The following CUL3 variants were observed in gnomAD, a reference collection of about 807,000 sequenced individuals.
CUL3 encodes the protein cullin-3.
Under a neutral mutation model 89.1 loss-of-function variants are expected in CUL3, and 19 were observed. The observed-to-expected ratio is 0.21, with a 90% confidence interval of 0.15 to 0.31. CUL3 has a LOEUF of 0.31. CUL3 is among the 10% of genes least tolerant of loss of function. CUL3 has a pLI of 1.00. For synonymous variants in CUL3, 351 were observed against 308.4 expected (o/e 1.14, Z -1.45); for missense variants, 469 against 942.3 (o/e 0.50, Z 6.58).
At chr2:224,520,202 C>A (rs1299747396) in intron 3 of CUL3, among the ~76,000 whole-genome samples, 1 of 152,220 alleles carries the variant, frequency 6.6e-6, no homozygotes, top group African/African-American at 2.4e-5. Context: ...AGTTTCATCA[C>A]CACAGAGATA....
In CUL3 at chr2:224,570,145, T is replaced by TA. The variant is rs906888041; in HGVS notation, c.67-12290dup. Among the ~76,000 whole-genome samples, 5 of 150,948 alleles carry TA rather than the reference T, an allele frequency of 3.3e-5. No individual in the cohort carries two copies. The South Asian group carries it at 6.3e-4, about 19-fold the overall frequency. On this transcript the variant is annotated intron_variant, in intron 1 of 15. Transcript: ENST00000264414. ...GCGTGGCACAATGTATAGATAATAT[T>TA]AAAAAAAAATGATCTGAATACAGTC...
In CUL3 at chr2:224,559,938, C is replaced by T. The variant is rs139755860; in HGVS notation, c.67-2082G>A. Among the ~76,000 whole-genome samples, 682 of 152,142 alleles carry T rather than the reference C, an allele frequency of 4.5e-3. 9 individuals carry two copies. The highest frequency in any genetic ancestry group is 0.016 in the African/African-American group (663 of 41,496). ...CTCTACTAAAAATACAAAAATTAGT[C>T]GGGCATGGTGGCATGCACCTGTAGT... is the stretch of plus-strand genomic sequence containing the variant. On this transcript the variant is annotated intron_variant, in intron 1 of 15. Transcript: ENST00000264414.
At chr2:224,477,267 C>T (rs1480369958) in intron 15 of CUL3, among the ~76,000 whole-genome samples, 1 of 152,158 alleles carries the variant, frequency 6.6e-6, no homozygotes, top group African/African-American at 2.4e-5. Context: ...TCTGGTGGAA[C>T]CTAAGGATCT....
At chr2:224,560,683 C>T (rs1694874964) in intron 1 of CUL3, 1 of 152,522 alleles carries the variant, frequency 6.6e-6, no homozygotes, top group Admixed American at 6.5e-5. Flanking sequence ...GGTAAAACCA[C>T]CACCACCTCC....
At chr2:224,481,049 T>C (rs1225036781) in intron 14 of CUL3, among the ~76,000 whole-genome samples, 1 of 152,114 alleles carries the variant, frequency 6.6e-6, no homozygotes, top group Non-Finnish European at 1.5e-5. Flanking sequence ...CTAGAATCCA[T>C]GTACTCTGGT....
intron 7 of CUL3, 113 bp downstream of exon 7, chr2:224,506,745 A>G (rs1020323624): frequency 2.4e-5 from 21 of 863,622 alleles, no homozygotes; most frequent in Non-Finnish European, 3.6e-5. Context: ...TTAATTTACT[A>G]CTGGGACAAT....
chr2:224,580,543 A>C (rs1330127244), intron 1 of CUL3, among the ~76,000 whole-genome samples: 1 of 152,156 alleles, frequency 6.6e-6, no homozygotes, highest in Non-Finnish European at 1.5e-5. Flanking sequence ...AATTAGCCAG[A>C]CGTGGTGGCG....
Position 224,585,042 on chromosome 2 carries a change from G to A in CUL3, c.-33C>T, listed in dbSNP as rs370412901. 14 of 1,468,750 alleles carry A rather than the reference G, an allele frequency of 9.5e-6. 1 individual carries two copies. Among genetic ancestry groups the A allele is most frequent in the Non-Finnish European group, 1.1e-5 (12 of 1,094,178 alleles). The allele number at this position is 1,468,750 out of a possible 1,614,324, so 91.0% of individuals were successfully genotyped here. A position where few individuals can be genotyped will look rare whatever the true frequency, so the allele number is the denominator to read the frequency against. On this transcript the variant is annotated 5_prime_UTR_variant, in exon 1 of 16. Transcript: ENST00000264414. ...GTCCCCTCCCCGGCGGCGGCTTCAG[G>A]TCGCGCTCCGCGACGCCGGTGTCAC...
chr2:224,521,199 C>T (rs1291270646), intron 3 of CUL3, among the ~76,000 whole-genome samples: 1 of 152,130 alleles, frequency 6.6e-6, no homozygotes, highest in East Asian at 1.9e-4. Flanking sequence ...ATCAATGGTG[C>T]ACCCAAGGAA....
chr2:224,472,229 C>A lies in CUL3; in HGVS notation c.*2016G>T, dbSNP rs1209159050. The A allele has an allele frequency of 4.5e-6, 1 of 221,472 alleles. No individual in the cohort carries two copies. Among genetic ancestry groups the A allele is most frequent in the East Asian group, 6.6e-5 (1 of 15,050 alleles). The allele number at this position is 221,472 out of a possible 1,614,324, so 13.7% of individuals were successfully genotyped here. A position where few individuals can be genotyped will look rare whatever the true frequency, so the allele number is the denominator to read the frequency against. Reference sequence around the variant, plus strand: ...CTCTAAACTCTAGATCTGATTTTTACAGCCACACTTGAGACAATGACGTAA... The same window carrying A: ...CTCTAAACTCTAGATCTGATTTTTAAAGCCACACTTGAGACAATGACGTAA... On this transcript the variant is annotated 3_prime_UTR_variant, in exon 16 of 16. Transcript: ENST00000264414.
chr2:224,573,412 A>G (rs1037209522), intron 1 of CUL3, among the ~76,000 whole-genome samples: 9 of 152,232 alleles, frequency 5.9e-5, no homozygotes, highest in Non-Finnish European at 1.3e-4. Flanking sequence ...TCAAGTCAAT[A>G]CACACTAAGG....
At chr2:224,572,568 G>C (rs1695205672) in intron 1 of CUL3, among the ~76,000 whole-genome samples, 1 of 149,898 alleles carries the variant, frequency 6.7e-6, no homozygotes, top group African/African-American at 2.5e-5. Context: ...TTAGGCCCTG[G>C]AGGGCATGGC....
At chr2:224,546,098 A>G (rs1229161444) in intron 2 of CUL3, among the ~76,000 whole-genome samples, 2 of 152,156 alleles carry the variant, frequency 1.3e-5, no homozygotes, top group African/African-American at 4.8e-5. Context: ...TACACCACAG[A>G]AAAACACCAC....
chr2:224,471,435 A>T lies in CUL3; in HGVS notation c.*2810T>A. The T allele has an allele frequency of 5.1e-6, 1 of 197,694 alleles. No individual in the cohort carries two copies. The highest frequency in any genetic ancestry group is 7.9e-5 in the East Asian group (1 of 12,590). 12.2% of individuals were successfully genotyped at this position (197,694 alleles called of 1,614,324 possible). On this transcript the variant is annotated 3_prime_UTR_variant, in exon 16 of 16. Coordinates refer to ENST00000264414, the MANE Select transcript of CUL3 (RefSeq NM_003590.5). ...ATGCCAGTGTACTAGTCTTCTAGAGATGTAGGCATAATCTTAAAACTGGTT... is the reference window on the plus strand; with the variant it reads ...ATGCCAGTGTACTAGTCTTCTAGAGTTGTAGGCATAATCTTAAAACTGGTT...
chr2:224,534,932 C>T (rs1412134711), intron 3 of CUL3, among the ~76,000 whole-genome samples: 2 of 151,490 alleles, frequency 1.3e-5, no homozygotes, highest in Non-Finnish European at 2.9e-5. Context: ...ACCCGGGAGG[C>T]AGAGCTTGCA....
chr2:224,570,190 G>A (rs1695152363), intron 1 of CUL3, among the ~76,000 whole-genome samples: 1 of 151,958 alleles, frequency 6.6e-6, no homozygotes, highest in Admixed American at 6.6e-5. Flanking sequence ...TTAATGATAA[G>A]GAGTCTTATT....
intron 1 of CUL3, among the ~76,000 whole-genome samples, chr2:224,580,073 G>A (rs373714681): frequency 3.9e-5 from 6 of 152,178 alleles, no homozygotes; most frequent in African/African-American, 1.4e-4. Flanking sequence ...ATTTGATCCA[G>A]ACCCACATTA....
chr2:224,479,980 G>A (rs1470350712), intron 14 of CUL3: 1 of 152,056 alleles, frequency 6.6e-6, no homozygotes, highest in African/African-American at 2.4e-5. Flanking sequence ...AATGGGAGGG[G>A]AGGGGCTCAC....
At chr2:224,486,165 G>A (rs918935094) in intron 13 of CUL3, among the ~76,000 whole-genome samples, 2 of 152,180 alleles carry the variant, frequency 1.3e-5, no homozygotes, top group Non-Finnish European at 2.9e-5. Context: ...AAAACCCAGT[G>A]CAAAAAAGAT....
Sources: gnomAD v4.1 joint callset for allele counts (sites outside exome capture counted in the v4.1 genomes callset) on GRCh38, gnomAD v4.1.1 for gene constraint, MANE v1.5 for transcripts, NCBI Gene and HGNC (gene_info 2026-07-23, HGNC 2026-07-21) for gene names.